Variants in SMARCA2 observed in about 807,000 individuals in gnomAD.
SMARCA2 encodes SWI/SNF-related matrix-associated actin-dependent regulator of chromatin subfamily A member 2.
SMARCA2 carries 61 observed loss-of-function variants against 199.8 expected under a neutral mutation model. That is an observed-to-expected ratio of 0.31 (90% CI 0.25 to 0.38). The LOEUF (loss-of-function observed/expected upper bound fraction) is 0.38, where lower values mean the gene tolerates loss of function less well. Ranked by LOEUF, SMARCA2 falls within the 10% of genes least tolerant of loss-of-function variation. The pLI, the probability that SMARCA2 is intolerant of heterozygous loss-of-function variation, is 1.00. For synonymous variants in SMARCA2, 935 were observed against 732.0 expected (o/e 1.28, Z -4.48); for missense variants, 1,344 against 2,012.2 (o/e 0.67, Z 6.35).
intron 1 of SMARCA2, among the ~76,000 whole-genome samples, chr9:2,024,814 C>T (rs926799626): frequency 2.6e-5 from 4 of 152,304 alleles, no homozygotes; most frequent in African/African-American, 9.6e-5. Flanking sequence ...TTACTTTGGG[C>T]AAGCCATGTT....
At chr9:2,088,367 C>CA (rs1335797118) in intron 18 of SMARCA2, 133 bp from the exon 19 acceptor site, 1 of 971,538 alleles carries the variant, frequency 1.0e-6, no homozygotes, top group African/African-American at 1.7e-5. Flanking sequence ...GTAGATATGA[C>CA]AGGCTTAAAC....
In SMARCA2 at chr9:2,077,674, T is replaced by G. The variant is rs1263255821; in HGVS notation, c.2082T>G (p.Ser694Arg). 4 of 1,614,124 alleles carry G rather than the reference T, an allele frequency of 2.5e-6. No individual in the cohort carries two copies. The highest frequency in any genetic ancestry group is 3.4e-6 in the Non-Finnish European group (4 of 1,179,964). Reference sequence around the variant, plus strand: ...ATGATGAATACAGCATGCAGTACAGTGCCAGGGGCTCCCAGTCCTACTACA... The same window carrying G: ...ATGATGAATACAGCATGCAGTACAGGGCCAGGGGCTCCCAGTCCTACTACA... Reference protein sequence around the residue: ...DVDDEYSMQYSARGSQSYYTV... With the variant: ...DVDDEYSMQYRARGSQSYYTV... The change falls in exon 14 of 34, where the codon AGT becomes AGG. Residue 694 changes from serine (S) to arginine (R), a missense_variant. By Grantham distance (110) the Ser-to-Arg change is moderately radical. Around this residue, in one of 18 missense-constraint regions of SMARCA2, gnomAD observed 106 missense variants for 179.7 expected, o/e 0.59. Coordinates refer to ENST00000349721, the MANE Select transcript of SMARCA2 (RefSeq NM_003070.5).
chr9:2,165,719 C>T (rs1825899537), intron 28 of SMARCA2, among the ~76,000 whole-genome samples: 1 of 152,096 alleles, frequency 6.6e-6, no homozygotes, highest in African/African-American at 2.4e-5. Flanking sequence ...TGCATTTGTA[C>T]CCTTGAAAAT....
chr9:2,176,182 G>GTTTTTTTTTTTTTTTTTTTTTTTTTT (rs56186732), intron 29 of SMARCA2, among the ~76,000 whole-genome samples: 2 of 104,148 alleles, frequency 1.9e-5, no homozygotes, highest in African/African-American at 7.4e-5. Context: ...CGCCCGGCCT[G>GTTTTTTTTTTTTTTTTTTTTTTTTTT]TTTTTTTTTT....
At position 2,181,708 on chromosome 9, in the gene SMARCA2, A is replaced by AAGTAAATAAAGGAGC. The variant is rs751075613; in HGVS notation, c.4359+36_4359+50dup. 9 of 1,079,648 alleles carry AAGTAAATAAAGGAGC rather than the reference A, an allele frequency of 8.3e-6. No homozygotes were observed. In the East Asian group the frequency reaches 9.4e-5, roughly 11 times the overall value. The allele number at this position is 1,079,648 out of a possible 1,614,324, so 66.9% of individuals were successfully genotyped here. On this transcript the variant is annotated intron_variant, in intron 30 of 33. Coordinates refer to ENST00000349721, the MANE Select transcript of SMARCA2 (RefSeq NM_003070.5). ...ATTTTGTTTACCAACTTTATTCTTC[A>AAGTAAATAAAGGAGC]AGTAAATAAAGGAGCAGTGTAAAGT...
intron 27 of SMARCA2, among the ~76,000 whole-genome samples, chr9:2,146,632 A>G (rs558832482): frequency 1.8e-4 from 28 of 152,328 alleles, no homozygotes; most frequent in Admixed American, 1.4e-3. Flanking sequence ...TAAAGGGATA[A>G]AGAATGGCTA....
chr9:2,178,623 G>C (rs548950705), intron 29 of SMARCA2, among the ~76,000 whole-genome samples: 1 of 150,464 alleles, frequency 6.6e-6, no homozygotes, highest in South Asian at 2.1e-4. Context: ...ATTTCAAAAG[G>C]TGTATTAAAA....
rs999718707 is a variant in SMARCA2 at position 2,016,104 on chromosome 9, C to G, written c.-37+700C>G. Reference sequence around the variant, plus strand: ...CGGATCGCAGCGGGAGAAGCCTGAGCTGACGCGCGAAGGAGGTAGCGGCCA... The same window carrying G: ...CGGATCGCAGCGGGAGAAGCCTGAGGTGACGCGCGAAGGAGGTAGCGGCCA... On this transcript the variant is annotated intron_variant, in intron 1 of 33. Transcript: ENST00000349721. This position sits in a 1 kb window ranked among gnomAD's most constrained non-coding sequence, Gnocchi z 5.6. The G allele has an allele frequency of 8.5e-5, 13 of 152,456 alleles. No homozygotes were observed. Among genetic ancestry groups the G allele is most frequent in the African/African-American group, 2.9e-4 (12 of 41,574 alleles). The allele number at this position is 152,456 out of a possible 1,614,324, so 9.4% of individuals were successfully genotyped here. A position where few individuals can be genotyped will look rare whatever the true frequency, so the allele number is the denominator to read the frequency against.
At chr9:2,133,330 A>G (rs957073212) in intron 27 of SMARCA2, among the ~76,000 whole-genome samples, 1 of 152,186 alleles carries the variant, frequency 6.6e-6, no homozygotes, top group African/African-American at 2.4e-5. Context: ...TTTAAGAGAC[A>G]GGGTCTCACT....
intron 28 of SMARCA2, among the ~76,000 whole-genome samples, chr9:2,162,600 A>T (rs16937792): frequency 0.084 from 12,715 of 152,232 alleles, 925 homozygotes; most frequent in African/African-American, 0.2. Context: ...CGTTTTGGTT[A>T]GTTGACTTGG....
intron 5 of SMARCA2, among the ~76,000 whole-genome samples, chr9:2,049,872 T>A (rs992644530): frequency 6.6e-6 from 1 of 152,244 alleles, no homozygotes; most frequent in Non-Finnish European, 1.5e-5. Context: ...TGATAACTGT[T>A]AGGATCCAGT....
Position 2,039,864 on chromosome 9 carries a change from C to G in SMARCA2, c.754C>G (p.Gln252Glu). 6.2e-7 allele frequency: 1 copy of G among 1,613,992 alleles called. No individual in the cohort carries two copies. Among genetic ancestry groups the G allele is most frequent in the South Asian group, 1.1e-5 (1 of 91,034 alleles). The change falls in exon 4 of 34, where the codon CAG becomes GAG. Residue 252 changes from glutamine (Q) to glutamate (E), a missense_variant. Physicochemically the swap from Gln to Glu is conservative, Grantham distance 29. Around this residue, in one of 18 missense-constraint regions of SMARCA2, gnomAD observed 117 missense variants for 99.1 expected, o/e 1.18. Coordinates refer to ENST00000349721, the MANE Select transcript of SMARCA2 (RefSeq NM_003070.5). This position sits in a 1 kb window ranked among gnomAD's most constrained non-coding sequence, Gnocchi z 4.8. ...GCCGCAACCACAGACGCAGCAACAA[C>G]AGCAGCCGGCCCTTGTTAACTACAA... ...QPPQPQTQQQ[Q>E]QPALVNYNRP...
intron 14 of SMARCA2, among the ~76,000 whole-genome samples, chr9:2,081,304 G>A (rs767121180): frequency 2.6e-5 from 4 of 152,266 alleles, no homozygotes; most frequent in Non-Finnish European, 4.4e-5. Context: ...ACATTACAAA[G>A]TTCCCATGTG....
At chr9:2,122,618 C>T (rs778659325) in intron 26 of SMARCA2, among the ~76,000 whole-genome samples, 1 of 152,176 alleles carries the variant, frequency 6.6e-6, no homozygotes, top group Non-Finnish European at 1.5e-5. Context: ...GTATAAAGAG[C>T]TTTGACCACT....
At chr9:2,136,497 T>C (rs7858872) in intron 27 of SMARCA2, among the ~76,000 whole-genome samples, 32,561 of 152,130 alleles carry the variant, frequency 0.21, 6,896 homozygotes, top group African/African-American at 0.53. Flanking sequence ...TATTCCCTGC[T>C]TTCTCATCTT....
chr9:2,063,194 A>G (rs1159374571), intron 9 of SMARCA2, among the ~76,000 whole-genome samples: 2 of 152,192 alleles, frequency 1.3e-5, no homozygotes, highest in African/African-American at 4.8e-5. Context: ...AGGGGGAAGA[A>G]AAAAAGAAAA....
intron 5 of SMARCA2, 25 bp from the exon 6 acceptor site, chr9:2,054,572 T>G: frequency 6.2e-7 from 1 of 1,602,270 alleles, no homozygotes; most frequent in South Asian, 1.1e-5. Flanking sequence ...CTGCCCCCTT[T>G]TCCCCATTTT....
At chr9:2,036,524 C>T (rs1036928933) in intron 3 of SMARCA2, among the ~76,000 whole-genome samples, 5 of 152,136 alleles carry the variant, frequency 3.3e-5, no homozygotes, top group African/African-American at 1.2e-4. Flanking sequence ...CACTTAGATT[C>T]TGTTTTTCCT....
At chr9:2,073,534 G>T in intron 11 of SMARCA2, 32 bp from the exon 12 acceptor site, 1 of 1,581,324 alleles carries the variant, frequency 6.3e-7, no homozygotes, top group Non-Finnish European at 8.7e-7. Flanking sequence ...AAAAAACTAA[G>T]CCCCCTCCTC....
Sources: allele counts gnomAD v4.1 joint callset (sites outside exome capture counted in the v4.1 genomes callset), GRCh38; gene constraint gnomAD v4.1.1; regional missense constraint gnomAD v4.1.1; non-coding constraint Gnocchi (gnomAD v3.1); transcripts MANE v1.5; gene names NCBI Gene and HGNC (gene_info 2026-07-23, HGNC 2026-07-21).